The following LRP1B variants were observed in gnomAD, a reference collection of about 807,000 sequenced individuals.
LRP1B encodes low-density lipoprotein receptor-related protein 1B.
A neutral mutation model predicts 556.6 loss-of-function variants in LRP1B; 217 were observed. The observed-to-expected ratio is 0.39, with a 90% confidence interval of 0.35 to 0.44. The LOEUF (loss-of-function observed/expected upper bound fraction) is 0.44, where lower values mean the gene tolerates loss of function less well. Ranked by LOEUF, LRP1B falls within the 20% of genes least tolerant of loss-of-function variation. The pLI is 1.00. For synonymous variants in LRP1B, 2,047 were observed against 1,865.8 expected (o/e 1.10, Z -2.50); for missense variants, 5,053 against 5,620.8 (o/e 0.90, Z 3.23).
chr2:141,077,506 G>A (rs4954689), intron 7 of LRP1B, among the ~76,000 whole-genome samples: 128,720 of 152,122 alleles, frequency 0.85, 54,833 homozygotes, highest in Non-Finnish European at 0.89. Context: ...GGCAAGGTGT[G>A]GTCCACAGTT....
intron 1 of LRP1B, among the ~76,000 whole-genome samples, chr2:141,993,642 T>A (rs1702405395): frequency 6.6e-6 from 1 of 152,110 alleles, no homozygotes; most frequent in Non-Finnish European, 1.5e-5. Flanking sequence ...ATTGATTCAT[T>A]GAGATAAAGT....
intron 63 of LRP1B, among the ~76,000 whole-genome samples, chr2:140,447,791 G>A (rs562238500): frequency 1.1e-3 from 160 of 152,242 alleles, no homozygotes; most frequent in African/African-American, 3.8e-3. Context: ...TAAAGTGAGA[G>A]ACATGAAATT....
intron 1 of LRP1B, among the ~76,000 whole-genome samples, chr2:141,899,074 T>C (rs569377812): frequency 1.7e-4 from 26 of 152,238 alleles, no homozygotes; most frequent in African/African-American, 5.8e-4. Flanking sequence ...TCAAAAAGAA[T>C]TACCTTCTCA....
At chr2:141,223,971 G>A (rs567219336) in intron 6 of LRP1B, among the ~76,000 whole-genome samples, 20 of 152,106 alleles carry the variant, frequency 1.3e-4, no homozygotes, top group East Asian at 1.9e-4. Context: ...ACATAGGCAC[G>A]GGCAAAGATT....
At chr2:141,729,315 T>C (rs1693176329) in intron 2 of LRP1B, among the ~76,000 whole-genome samples, 1 of 152,172 alleles carries the variant, frequency 6.6e-6, no homozygotes, top group African/African-American at 2.4e-5. Context: ...TCTTTTTTTT[T>C]AGTCTTTGGA....
chr2:140,614,612 G>A (rs1234254868), intron 41 of LRP1B, among the ~76,000 whole-genome samples: 2 of 152,098 alleles, frequency 1.3e-5, no homozygotes, highest in East Asian at 1.9e-4. Context: ...TTAATGTTAT[G>A]TGGCAGAAGA....
intron 1 of LRP1B, among the ~76,000 whole-genome samples, chr2:142,056,022 A>T (rs1229721585): frequency 2.0e-5 from 3 of 152,030 alleles, no homozygotes; most frequent in Non-Finnish European, 4.4e-5. Flanking sequence ...GTGGTATCGC[A>T]TGCCTGTAAT....
rs2105397339 is a variant in LRP1B, at chr2:141,020,113, A to G, written c.1790-11T>C. 1 of 1,468,408 alleles carries G rather than the reference A, an allele frequency of 6.8e-7. No homozygotes were observed. Among genetic ancestry groups the G allele is most frequent in the Non-Finnish European group, 9.1e-7 (1 of 1,102,044 alleles). 91.0% of individuals were successfully genotyped at this position (1,468,408 alleles called of 1,614,324 possible). A position where few individuals can be genotyped will look rare whatever the true frequency, so the allele number is the denominator to read the frequency against. On this transcript the variant is annotated splice_polypyrimidine_tract_variant and intron_variant, in intron 11 of 90. Coordinates refer to ENST00000389484, the MANE Select transcript of LRP1B (RefSeq NM_018557.3). ...CTACATTATCCAGATCTATAAAAAA[A>G]GCAAAAACAAGAAAGAAATTGCTTT...
At chr2:141,656,975 T>G (rs1307454248) in intron 2 of LRP1B, among the ~76,000 whole-genome samples, 1 of 152,102 alleles carries the variant, frequency 6.6e-6, no homozygotes, top group African/African-American at 2.4e-5. Flanking sequence ...TACACAAATA[T>G]TACACATTTT....
At chr2:141,108,382 C>T (rs1316449456) in intron 7 of LRP1B, among the ~76,000 whole-genome samples, 2 of 86,314 alleles carry the variant, frequency 2.3e-5, no homozygotes, top group Non-Finnish European at 4.2e-5. Flanking sequence ...GAGTTTCACT[C>T]TTGTTGCCCA....
chr2:141,232,168 T>C (rs1425158567), intron 5 of LRP1B, among the ~76,000 whole-genome samples: 1 of 152,176 alleles, frequency 6.6e-6, no homozygotes, highest in African/African-American at 2.4e-5. Context: ...AATTTGGGGA[T>C]CTAGATTTAG....
rs917035142 is a variant in LRP1B at position 141,315,153 on chromosome 2, A to AGAT, written c.344-60515_344-60513dup. Among the ~76,000 whole-genome samples the AGAT allele has an allele frequency of 1.7e-4, 26 of 150,708 alleles. 1 individual carries two copies. The highest frequency in any genetic ancestry group is 2.5e-4 in the Non-Finnish European group (17 of 67,782). On this transcript the variant is annotated intron_variant, in intron 3 of 90. Transcript: ENST00000389484. ...TTAACTGTGACATTTACTTGATCAG[A>AGAT]GATAGAAACTTTTTGAATGTTGAAT... is the stretch of plus-strand genomic sequence containing the variant.
chr2:141,214,613 C>T (rs945092085), intron 6 of LRP1B, among the ~76,000 whole-genome samples: 1 of 152,136 alleles, frequency 6.6e-6, no homozygotes, highest in Non-Finnish European at 1.5e-5. Flanking sequence ...TTTTAAATGC[C>T]TTGGCTCTAA....
At chr2:140,252,062 CAAAAAAAAAAA>C in intron 86 of LRP1B, among the ~76,000 whole-genome samples, 3,406 of 18,580 alleles carry the variant, frequency 0.18, 84 homozygotes, top group Admixed American at 0.23. Context: ...TGACAAGATG[CAAAAAAAAAAA>C]AAAAAAAAAA....
At chr2:140,984,160 A>G (rs1017185050) in intron 17 of LRP1B, among the ~76,000 whole-genome samples, 14 of 151,878 alleles carry the variant, frequency 9.2e-5, no homozygotes, top group Non-Finnish European at 1.6e-4. Flanking sequence ...TGTGAGAGAG[A>G]TTAATAATTT....
At chr2:140,311,988 A>T (rs758181768) in intron 83 of LRP1B, among the ~76,000 whole-genome samples, 1 of 151,780 alleles carries the variant, frequency 6.6e-6, no homozygotes, top group South Asian at 2.1e-4. Flanking sequence ...ACTTTGAGCA[A>T]TTCTACCATC....
intron 89 of LRP1B, among the ~76,000 whole-genome samples, chr2:140,237,755 TTATC>T (rs775253090): frequency 6.6e-6 from 1 of 150,754 alleles, no homozygotes; most frequent in Non-Finnish European, 1.5e-5. Flanking sequence ...TAATAGACCT[TTATC>T]TATCTATATA....
intron 66 of LRP1B, among the ~76,000 whole-genome samples, chr2:140,406,792 A>G (rs2105238965): frequency 6.6e-6 from 1 of 152,216 alleles, no homozygotes; most frequent in Non-Finnish European, 1.5e-5. Flanking sequence ...GATTTAATGC[A>G]ATTCCTATCA....
At position 140,802,541 on chromosome 2, in the gene LRP1B, TCAA is replaced by T. The variant is rs1392650794; in HGVS notation, c.5359+11113_5359+11115del. 5.3e-5 allele frequency among the ~76,000 whole-genome samples: 8 copies of T among 152,286 alleles called. No individual in the cohort carries two copies. In the East Asian group the frequency reaches 1.5e-3, roughly 29 times the overall value. On this transcript the variant is annotated intron_variant, in intron 32 of 90. Coordinates refer to ENST00000389484, the MANE Select transcript of LRP1B (RefSeq NM_018557.3). ...TCACCACTTCAGAAAAATCAAGCCA[TCAA>T]CATCAATTCCACTTGTTATTTTAGA...
Sources: allele counts gnomAD v4.1 joint callset (sites outside exome capture counted in the v4.1 genomes callset), GRCh38; gene constraint gnomAD v4.1.1; transcripts MANE v1.5; gene names NCBI Gene and HGNC (gene_info 2026-07-23, HGNC 2026-07-21).